Variants in MPDZ observed in about 807,000 individuals in gnomAD.
The protein encoded by MPDZ is multiple PDZ domain crumbs cell polarity complex component.
A neutral mutation model predicts 239.1 loss-of-function variants in MPDZ; 234 were observed. The ratio of observed to expected loss-of-function variants is 0.98; its 90% confidence interval spans 0.88 to 1.09. The LOEUF is 1.09. Among genes scored for constraint, MPDZ ranks in the 50% least tolerant of loss-of-function variants. The probability of loss-of-function intolerance (pLI) is 0.00; values close to 1 mark genes in which losing one functional copy is unlikely to be tolerated. For synonymous variants in MPDZ, 1,048 were observed against 881.3 expected (o/e 1.19, Z -3.35); for missense variants, 3,175 against 2,510.0 (o/e 1.26, Z -5.66).
At chr9:13,148,291 C>T (rs1948694832) in intron 25 of MPDZ, among the ~76,000 whole-genome samples, 1 of 151,926 alleles carries the variant, frequency 6.6e-6, no homozygotes, top group South Asian at 2.1e-4. Context: ...TCATGGTTTG[C>T]CTGAGTATTG....
chr9:13,226,535 T>G (rs964124875), intron 3 of MPDZ, among the ~76,000 whole-genome samples: 4 of 152,084 alleles, frequency 2.6e-5, no homozygotes, highest in African/African-American at 9.7e-5. Flanking sequence ...AACAGGTATA[T>G]TCTTCCCCAA....
chr9:13,259,459 G>C (rs1970172810), intron 1 of MPDZ, among the ~76,000 whole-genome samples: 1 of 152,190 alleles, frequency 6.6e-6, no homozygotes, highest in Admixed American at 6.5e-5. Flanking sequence ...ATGTTGTCTA[G>C]TAGCAGCATT....
intron 23 of MPDZ, among the ~76,000 whole-genome samples, chr9:13,161,016 ATCCATGGGGAG>A (rs1950425049): frequency 6.6e-6 from 1 of 151,376 alleles, no homozygotes; most frequent in African/African-American, 2.4e-5. Flanking sequence ...GGATTTTGGT[ATCCATGGGGAG>A]TCCTGAAACC....
chr9:13,242,025 G>A (rs956731424), intron 3 of MPDZ, among the ~76,000 whole-genome samples: 14 of 152,206 alleles, frequency 9.2e-5, no homozygotes, highest in African/African-American at 3.4e-4. Context: ...TTCACACAGA[G>A]TGTATATTAC....
chr9:13,163,218 T>C lies in MPDZ; in HGVS notation c.3255-423A>G, dbSNP rs186377720. Among the ~76,000 whole-genome samples the C allele has an allele frequency of 3.7e-3, 562 of 152,296 alleles. 2 individuals carry two copies. The highest frequency in any genetic ancestry group is 0.013 in the African/African-American group (522 of 41,588). ...ACAAATTAGGTATACTCTATTAAAA[T>C]GCTGAATATCACAAATTACTTTGCA... On this transcript the variant is annotated intron_variant, in intron 22 of 46. Coordinates refer to ENST00000319217, the MANE Select transcript of MPDZ (RefSeq NM_001378778.1).
chr9:13,219,406 C>T (rs1286343773), intron 8 of MPDZ, among the ~76,000 whole-genome samples, 153 bp downstream of exon 8: 2 of 151,918 alleles, frequency 1.3e-5, no homozygotes, highest in African/African-American at 4.8e-5. Context: ...AATAAAATAT[C>T]ATTAGTGCTA....
At chr9:13,278,066 A>C (rs189857054) in intron 1 of MPDZ, among the ~76,000 whole-genome samples, 1 of 152,306 alleles carries the variant, frequency 6.6e-6, no homozygotes, top group Non-Finnish European at 1.5e-5. Flanking sequence ...TATTTATTCT[A>C]TAAAGGGTAA....
At chr9:13,200,381 A>C (rs1381901207) in intron 12 of MPDZ, among the ~76,000 whole-genome samples, 3 of 151,904 alleles carry the variant, frequency 2.0e-5, no homozygotes, top group Non-Finnish European at 4.4e-5. Context: ...ACCTTTACAA[A>C]ACCAACTTTC....
chr9:13,237,783 C>T (rs1232099801), intron 3 of MPDZ, among the ~76,000 whole-genome samples: 2 of 152,080 alleles, frequency 1.3e-5, no homozygotes, highest in African/African-American at 4.8e-5. Flanking sequence ...AGCTTGACAC[C>T]TTTCCATAAC....
At chr9:13,146,781 T>TG (rs1267572022) in intron 26 of MPDZ, among the ~76,000 whole-genome samples, 1 of 152,000 alleles carries the variant, frequency 6.6e-6, no homozygotes, top group African/African-American at 2.4e-5. Flanking sequence ...AAGAAGGAGT[T>TG]GAAAAAACAG....
intron 19 of MPDZ, among the ~76,000 whole-genome samples, chr9:13,183,068 A>C (rs1953580720): frequency 1.3e-5 from 2 of 152,266 alleles, no homozygotes; most frequent in South Asian, 4.1e-4. Flanking sequence ...TAAAACCATT[A>C]AGAAAATAAA....
rs371145282 is a variant in MPDZ at position 13,162,738 on chromosome 9, T to A, written c.3312A>T (p.Gln1104His). 2 of 1,611,610 alleles carry A rather than the reference T, an allele frequency of 1.2e-6. No individual in the cohort carries two copies. Among genetic ancestry groups the A allele is most frequent in the African/African-American group, 2.7e-5 (2 of 74,814 alleles). ...TATCCAGTGCCATTACTCTTCCAGA[T>A]TGTTGTCCCAAGCTTATTTTGAACT... is the stretch of plus-strand genomic sequence containing the variant. ...LEEFKISLGQ[Q>H]SGRVMALDIF... The change falls in exon 23 of 47, where the codon CAA (glutamine) becomes CAT (histidine). Residue 1104 changes from glutamine (Q) to histidine (H), a missense_variant. Physicochemically the swap from Gln to His is conservative, Grantham distance 24. Transcript: ENST00000319217.
chr9:13,192,965 G>T (rs1955145007), intron 14 of MPDZ, among the ~76,000 whole-genome samples: 1 of 152,046 alleles, frequency 6.6e-6, no homozygotes, highest in Non-Finnish European at 1.5e-5. Context: ...ATAAAAAATG[G>T]CATGGAATTA....
chr9:13,163,878 T>C (rs982056312), intron 22 of MPDZ, among the ~76,000 whole-genome samples: 2 of 152,152 alleles, frequency 1.3e-5, no homozygotes, highest in African/African-American at 2.4e-5. Context: ...TTCAAATATA[T>C]TGGTTATTCT....
chr9:13,171,270 T>C (rs7856615), intron 21 of MPDZ, among the ~76,000 whole-genome samples: 151,709 of 152,280 alleles, frequency 1, 75,571 homozygotes, highest in Middle Eastern at 1. Flanking sequence ...CTCCCCCAAA[T>C]CAAGGTTACA....
chr9:13,150,003 T>C (rs1412294810), intron 25 of MPDZ, among the ~76,000 whole-genome samples: 3 of 152,026 alleles, frequency 2.0e-5, no homozygotes, highest in African/African-American at 7.2e-5. Context: ...CCAACAAAGT[T>C]TATCTGCAAT....
At chr9:13,252,858 T>G (rs947732578) in intron 1 of MPDZ, among the ~76,000 whole-genome samples, 22 of 152,152 alleles carry the variant, frequency 1.4e-4, no homozygotes, top group African/African-American at 5.3e-4. Flanking sequence ...AAAAAAAGCA[T>G]GGACTAGAGA....
intron 3 of MPDZ, among the ~76,000 whole-genome samples, chr9:13,231,867 AG>A (rs889378852): frequency 2.8e-4 from 42 of 152,290 alleles, no homozygotes; most frequent in Middle Eastern, 3.4e-3. Flanking sequence ...CTCAATTCAA[AG>A]ATACTTAAAG....
chr9:13,153,280 T>G (rs79947904), intron 24 of MPDZ, among the ~76,000 whole-genome samples: 3 of 152,052 alleles, frequency 2.0e-5, no homozygotes, highest in Non-Finnish European at 4.4e-5. Flanking sequence ...AATCTATAAC[T>G]CTAGAAACTC....
Sources: allele counts gnomAD v4.1 joint callset (sites outside exome capture counted in the v4.1 genomes callset), GRCh38; gene constraint gnomAD v4.1.1; transcripts MANE v1.5; gene names NCBI Gene and HGNC (gene_info 2026-07-23, HGNC 2026-07-21).